Variants in METTL15 observed in about 807,000 individuals in gnomAD.
The protein encoded by METTL15 is 12S rRNA N(4)-cytidine methyltransferase METTL15.
METTL15 carries 34 observed loss-of-function variants against 38.3 expected under a neutral mutation model. That is an observed-to-expected ratio of 0.89 (90% CI 0.68 to 1.18). The LOEUF is 1.18. Among genes scored for constraint, METTL15 ranks in the 50% most tolerant of loss-of-function variants. METTL15 has a pLI of 0.00. For synonymous variants in METTL15, 162 were observed against 170.9 expected, an observed-to-expected ratio of 0.95 and a Z score of 0.41; for missense variants, 438 against 498.4, an observed-to-expected ratio of 0.88 and a Z score of 1.15.
chr11:28,314,158 C>T (rs950072825), intron 6 of METTL15, among the ~76,000 whole-genome samples: 2 of 152,166 alleles, frequency 1.3e-5, no homozygotes, highest in African/African-American at 4.8e-5. Context: ...TTCAGTCAGT[C>T]TGTTGGTCTT....
intron 6 of METTL15, among the ~76,000 whole-genome samples, chr11:28,318,973 T>TGC (rs1849365582): frequency 6.6e-6 from 1 of 152,144 alleles, no homozygotes. Context: ...ATAAGTTATT[T>TGC]TCAATAGAAC....
chr11:28,496,082 T>C lies in METTL15; in HGVS notation c.*425-30396T>C, dbSNP rs531456185. Among the ~76,000 whole-genome samples the C allele has an allele frequency of 2.0e-5, 3 of 152,262 alleles. No homozygotes were observed. In the South Asian group the frequency reaches 6.2e-4, roughly 32 times the overall value. ...AATAATATGCTGCAAAAATAAATGA[T>C]TAATGAGTGTATTAATCTGTTCTCA... On this transcript the variant is annotated intron_variant and NMD_transcript_variant, in intron 6 of 7. Transcript: ENST00000532947.
intron 3 of METTL15, among the ~76,000 whole-genome samples, chr11:28,123,209 T>C (rs1336306780): frequency 6.6e-6 from 1 of 152,122 alleles, no homozygotes; most frequent in Non-Finnish European, 1.5e-5. Flanking sequence ...CAGTACTTGT[T>C]ACTCTCTAGG....
intron 6 of METTL15, among the ~76,000 whole-genome samples, chr11:28,303,882 C>T (rs1428732636): frequency 6.6e-6 from 1 of 152,096 alleles, no homozygotes; most frequent in African/African-American, 2.4e-5. Flanking sequence ...CCCTCCAGGA[C>T]ATGGAATCAA....
chr11:28,410,814 A>G (rs1460795179), intron 5 of METTL15: 1 of 152,128 alleles, frequency 6.6e-6, no homozygotes, highest in East Asian at 1.9e-4. Context: ...TGCAAATTGG[A>G]AAAGCAGAAG....
At chr11:28,130,634 G>A (rs572236457) in intron 3 of METTL15, among the ~76,000 whole-genome samples, 33 of 152,216 alleles carry the variant, frequency 2.2e-4, no homozygotes, top group Non-Finnish European at 4.3e-4. Context: ...CTGGATTTGA[G>A]GTGTACATAT....
intron 3 of METTL15, among the ~76,000 whole-genome samples, chr11:28,136,157 A>C (rs958215863): frequency 6.6e-6 from 1 of 152,218 alleles, no homozygotes; most frequent in Admixed American, 6.5e-5. Flanking sequence ...CACTATGGAC[A>C]AAGAAATTTG....
intron 6 of METTL15, among the ~76,000 whole-genome samples, chr11:28,308,644 G>A (rs146295721): frequency 2.0e-5 from 3 of 152,056 alleles, no homozygotes; most frequent in African/African-American, 7.2e-5. Context: ...TATATGAGCC[G>A]GATGCACCCT....
At chr11:28,416,648 G>T (rs533703211) in intron 5 of METTL15, among the ~76,000 whole-genome samples, 101 of 152,282 alleles carry the variant, frequency 6.6e-4, no homozygotes, top group Admixed American at 1.0e-3. Flanking sequence ...TAAGGGACTT[G>T]TTAAAAATAA....
intron 6 of METTL15, among the ~76,000 whole-genome samples, chr11:28,310,481 T>C (rs1168316188): frequency 6.6e-6 from 1 of 152,136 alleles, no homozygotes; most frequent in Non-Finnish European, 1.5e-5. Context: ...GCAGTTGGCT[T>C]TCTGTGATTC....
chr11:28,221,016 G>C (rs1281449063), intron 4 of METTL15, among the ~76,000 whole-genome samples: 1 of 152,048 alleles, frequency 6.6e-6, no homozygotes, highest in African/African-American at 2.4e-5. Flanking sequence ...TTTCAACTTT[G>C]GTGAATCTGA....
In METTL15 at chr11:28,330,918, T is replaced by C. The variant is rs930850210; in HGVS notation, c.*77T>C. On this transcript the variant is annotated 3_prime_UTR_variant, in exon 7 of 7. Transcript: ENST00000407364. ...TACTCATGTTATGTCCCTGAATGTC[T>C]TGGTATAGGTTTAAGTGTGGGACAG... is the stretch of plus-strand genomic sequence containing the variant. 1.7e-5 allele frequency: 18 copies of C among 1,069,532 alleles called. No individual in the cohort carries two copies. The highest frequency in any genetic ancestry group is 2.0e-5 in the Non-Finnish European group (15 of 749,736). 66.3% of individuals were successfully genotyped at this position (1,069,532 alleles called of 1,614,324 possible).
At chr11:28,361,911 T>A (rs770991050) in intron 4 of METTL15, 1 of 152,154 alleles carries the variant, frequency 6.6e-6, no homozygotes, top group Non-Finnish European at 1.5e-5. Context: ...ATTCTGCTTC[T>A]TATTTATGTT....
chr11:28,236,202 G>A (rs866873111), intron 4 of METTL15, among the ~76,000 whole-genome samples: 55 of 151,910 alleles, frequency 3.6e-4, no homozygotes, highest in Non-Finnish European at 6.5e-4. Context: ...TGCTGTATTC[G>A]GTTTGCCAGT....
intron 4 of METTL15, among the ~76,000 whole-genome samples, chr11:28,215,990 G>C (rs1565173868): frequency 6.6e-6 from 1 of 152,152 alleles, no homozygotes; most frequent in East Asian, 1.9e-4. Flanking sequence ...TGGTGACAGA[G>C]CAAGATCCTG....
At chr11:28,190,184 T>C (rs1001236744) in intron 3 of METTL15, among the ~76,000 whole-genome samples, 3 of 151,300 alleles carry the variant, frequency 2.0e-5, no homozygotes, top group African/African-American at 7.3e-5. Context: ...TTAATAGTTC[T>C]TCTCTTGCTT....
At chr11:28,443,072 T>G (rs1851048492) in intron 6 of METTL15, among the ~76,000 whole-genome samples, 1 of 152,216 alleles carries the variant, frequency 6.6e-6, no homozygotes, top group African/African-American at 2.4e-5. Context: ...TATAGAACAT[T>G]GCCATCACCC....
intron 3 of METTL15, among the ~76,000 whole-genome samples, chr11:28,345,269 A>G (rs1849986679): frequency 6.6e-6 from 1 of 152,026 alleles, no homozygotes; most frequent in African/African-American, 2.4e-5. Flanking sequence ...GCCTACTGCA[A>G]CCTCCACCTC....
chr11:28,178,226 G>A (rs1851148823), intron 3 of METTL15, among the ~76,000 whole-genome samples: 1 of 151,714 alleles, frequency 6.6e-6, no homozygotes, highest in South Asian at 2.1e-4. Context: ...TCATAAACCA[G>A]CATTCTTTTA....
Sources: allele counts gnomAD v4.1 joint callset (sites outside exome capture counted in the v4.1 genomes callset), GRCh38; gene constraint gnomAD v4.1.1; transcripts MANE v1.5; gene names NCBI Gene and HGNC (gene_info 2026-07-23, HGNC 2026-07-21).